Variants in DLGAP2 observed in about 807,000 individuals in gnomAD.
DLGAP2 encodes DLG associated protein 2, also known as disks large-associated protein 2.
Under a neutral mutation model 100.3 loss-of-function variants are expected in DLGAP2, and 26 were observed. The ratio of observed to expected loss-of-function variants is 0.26; its 90% CI spans 0.19 to 0.36. The LOEUF is 0.36. Among genes scored for constraint, DLGAP2 ranks in the 10% least tolerant of loss-of-function variants. The pLI is 1.00. For missense variants in DLGAP2, 1,858 were observed against 1,453.2 expected (o/e 1.28, Z -4.53); for synonymous variants, 886 against 630.1 (o/e 1.41, Z -6.08).
chr8:1,646,984 C>T (rs932391531), intron 8 of DLGAP2, among the ~76,000 whole-genome samples: 1 of 152,170 alleles, frequency 6.6e-6, no homozygotes, highest in East Asian at 1.9e-4. Flanking sequence ...GGTGAGCGGA[C>T]AGTGGAGGAG....
intron 1 of DLGAP2, among the ~76,000 whole-genome samples, chr8:801,836 C>T (rs998951955): frequency 1.3e-5 from 2 of 152,124 alleles, no homozygotes; most frequent in Non-Finnish European, 2.9e-5. Flanking sequence ...CCTTGCTCGC[C>T]ACCCAGGTGG....
At position 1,480,457 on chromosome 8, in the gene DLGAP2, G is replaced by A. The variant is rs557754193; in HGVS notation, c.107-20909G>A. ...CACACACATATTTTGCTTAAACCCA[G>A]AAATACAGCATTGAAGCAAACGCAC... On this transcript the variant is annotated intron_variant, in intron 3 of 14. Transcript: ENST00000637795. 7.2e-5 allele frequency among the ~76,000 whole-genome samples: 11 copies of A among 152,282 alleles called. No homozygotes were observed. In the South Asian group the frequency reaches 2.3e-3, roughly 32 times the overall value.
At chr8:1,309,617 C>T (rs1800567140) in intron 3 of DLGAP2, among the ~76,000 whole-genome samples, 1 of 152,186 alleles carries the variant, frequency 6.6e-6, no homozygotes, top group African/African-American at 2.4e-5. Flanking sequence ...AGGACAGCGG[C>T]ATTAGCTCAA....
At chr8:1,383,765 A>C (rs775784766) in intron 3 of DLGAP2, among the ~76,000 whole-genome samples, 1 of 152,244 alleles carries the variant, frequency 6.6e-6, no homozygotes, top group Non-Finnish European at 1.5e-5. Context: ...ACTTGACATT[A>C]ACAAGAAGCA....
chr8:906,158 C>A (rs965795215), intron 1 of DLGAP2, among the ~76,000 whole-genome samples: 1 of 152,346 alleles, frequency 6.6e-6, no homozygotes, highest in African/African-American at 2.4e-5. Context: ...GTGATTTCAG[C>A]CGGGAGGAGA....
intron 1 of DLGAP2, among the ~76,000 whole-genome samples, chr8:895,035 CTGGCA>C (rs1798118144): frequency 2.3e-5 from 1 of 43,064 alleles, no homozygotes. Flanking sequence ...GGGGTGGTGG[CTGGCA>C]GGGCTGGGGT....
chr8:1,158,036 C>T (rs562099919), intron 2 of DLGAP2, among the ~76,000 whole-genome samples: 1 of 152,196 alleles, frequency 6.6e-6, no homozygotes, highest in Non-Finnish European at 1.5e-5. Context: ...AAATCATGGC[C>T]CACCCTAGCT....
At chr8:1,339,797 C>CGATG (rs1418861644) in intron 3 of DLGAP2, among the ~76,000 whole-genome samples, 1 of 152,174 alleles carries the variant, frequency 6.6e-6, no homozygotes, top group Non-Finnish European at 1.5e-5. Flanking sequence ...GCATGGAAGG[C>CGATG]GATGGCTCAG....
chr8:1,685,459 G>A (rs774138914), intron 12 of DLGAP2, among the ~76,000 whole-genome samples: 3 of 152,192 alleles, frequency 2.0e-5, no homozygotes, highest in Non-Finnish European at 4.4e-5. Flanking sequence ...GACCTCCTGG[G>A]AGATGCAGGT....
At chr8:1,440,809 A>C (rs2130063918) in intron 3 of DLGAP2, among the ~76,000 whole-genome samples, 1 of 152,340 alleles carries the variant, frequency 6.6e-6, no homozygotes, top group South Asian at 2.1e-4. Flanking sequence ...TTATGAGGAC[A>C]AATGGCTCTT....
chr8:1,260,057 G>A (rs950867538), intron 3 of DLGAP2, among the ~76,000 whole-genome samples: 1 of 152,108 alleles, frequency 6.6e-6, no homozygotes, highest in African/African-American at 2.4e-5. Flanking sequence ...TTACAGTCAG[G>A]TGGGTGGGGG....
intron 1 of DLGAP2, among the ~76,000 whole-genome samples, chr8:800,413 G>C (rs1214967010): frequency 2.0e-5 from 3 of 152,230 alleles, no homozygotes; most frequent in Non-Finnish European, 4.4e-5. Context: ...TTAGACGGTT[G>C]TACACAACCA....
chr8:1,473,339 C>T (rs1798850843), intron 3 of DLGAP2, among the ~76,000 whole-genome samples: 1 of 152,212 alleles, frequency 6.6e-6, no homozygotes, highest in Non-Finnish European at 1.5e-5. Flanking sequence ...GCCCAGCAGA[C>T]TGCCACTCAG....
At chr8:883,581 C>T (rs945885820) in intron 1 of DLGAP2, among the ~76,000 whole-genome samples, 2 of 151,214 alleles carry the variant, frequency 1.3e-5, no homozygotes, top group African/African-American at 2.4e-5. Flanking sequence ...ACGCGTGTGC[C>T]GCGGCGGTTC....
chr8:1,681,781 A>G (rs953860812), intron 12 of DLGAP2, among the ~76,000 whole-genome samples: 3 of 152,260 alleles, frequency 2.0e-5, no homozygotes, highest in African/African-American at 7.2e-5. Context: ...TAAGCATTCT[A>G]CAGATAAACT....
chr8:764,836 A>C (rs975415266), intron 1 of DLGAP2, among the ~76,000 whole-genome samples: 11 of 152,214 alleles, frequency 7.2e-5, no homozygotes, highest in African/African-American at 2.7e-4. Flanking sequence ...AATACTAGCC[A>C]CAGAACTTTA....
intron 2 of DLGAP2, among the ~76,000 whole-genome samples, chr8:1,255,734 C>T (rs1171692809): frequency 2.9e-5 from 4 of 137,310 alleles, no homozygotes; most frequent in African/African-American, 1.1e-4. Flanking sequence ...CCTCTCCTGC[C>T]CGAGCACTGT....
At chr8:787,392 A>G (rs1232292361) in intron 1 of DLGAP2, among the ~76,000 whole-genome samples, 2 of 152,230 alleles carry the variant, frequency 1.3e-5, no homozygotes, top group African/African-American at 2.4e-5. Context: ...TTGCAAGCCG[A>G]GGAAGGGTGG....
chr8:949,820 G>A (rs922241917), intron 2 of DLGAP2, among the ~76,000 whole-genome samples: 80 of 152,180 alleles, frequency 5.3e-4, no homozygotes, highest in African/African-American at 1.8e-3. Context: ...GGGCCCTCCA[G>A]AGAACACAGG....
Sources: allele counts gnomAD v4.1 joint callset (sites outside exome capture counted in the v4.1 genomes callset), GRCh38; gene constraint gnomAD v4.1.1; transcripts MANE v1.5; gene names NCBI Gene and HGNC (gene_info 2026-07-23, HGNC 2026-07-21).